The following LYPD4 variants were observed in gnomAD, a reference collection of about 807,000 sequenced individuals.
LYPD4 encodes the protein LY6/PLAUR domain containing 4, also known as ly6/PLAUR domain-containing protein 4.
LYPD4 carries 20 observed loss-of-function variants against 18.2 expected under a neutral mutation model. The observed-to-expected ratio is 1.10, with a 90% CI of 0.77 to 1.59. The LOEUF (loss-of-function observed/expected upper bound fraction) is 1.59. Ranked by LOEUF, LYPD4 falls within the 40% of genes most tolerant of loss-of-function variation. The pLI, the probability that LYPD4 is intolerant of heterozygous loss-of-function variation, is 0.00. For synonymous variants in LYPD4, 111 were observed against 118.3 expected (o/e 0.94, Z 0.40); for missense variants, 278 against 300.3 (o/e 0.93, Z 0.55).
chr19:41,839,533 T>C (rs782426137), intron 1 of LYPD4, 128 bp from the exon 2 acceptor site: 6 of 528,646 alleles, frequency 1.1e-5, no homozygotes, highest in Non-Finnish European at 2.0e-5. Flanking sequence ...TCTTAGCTTC[T>C]CAAAGCAGGA....
At chr19:41,842,027 T>C (rs1341435469) in intron 1 of LYPD4, among the ~76,000 whole-genome samples, 1 of 152,136 alleles carries the variant, frequency 6.6e-6, no homozygotes, top group Middle Eastern at 3.2e-3. Flanking sequence ...TCCACCTTCA[T>C]CTACAAAGGA....
intron 1 of LYPD4, among the ~76,000 whole-genome samples, 154 bp downstream of exon 1, chr19:41,843,424 G>T (rs1219849929): frequency 1.3e-5 from 2 of 151,882 alleles, no homozygotes; most frequent in Non-Finnish European, 2.9e-5. Flanking sequence ...TATAATCGTT[G>T]GTTACCCTGT....
At chr19:41,837,412 G>A (rs1321258689) in intron 4 of LYPD4, 67 bp from the exon 5 acceptor site, 1 of 1,551,346 alleles carries the variant, frequency 6.4e-7, no homozygotes, top group East Asian at 2.2e-5. Flanking sequence ...TCAGCCAGGT[G>A]CAGTGGCTCA....
In LYPD4 at chr19:41,839,212, G is replaced by A; in HGVS notation, c.67+7C>T. The stretch of plus-strand genomic sequence containing the variant: ...GGTCTTATAGCATCCAGCCCCACAG[G>A]ACATACGAGGCAGAGTGGAGATGGC... On this transcript the variant is annotated splice_region_variant and intron_variant, in intron 2 of 4. Coordinates refer to ENST00000609812, the MANE Select transcript of LYPD4 (RefSeq NM_173506.7). 2.5e-6 allele frequency: 4 copies of A among 1,614,100 alleles called. No individual in the cohort carries two copies. Among genetic ancestry groups the A allele is most frequent in the Non-Finnish European group, 3.4e-6 (4 of 1,180,024 alleles).
chr19:41,837,620 G>C (rs1424637513), intron 4 of LYPD4, among the ~76,000 whole-genome samples: 5 of 151,884 alleles, frequency 3.3e-5, no homozygotes, highest in African/African-American at 1.2e-4. Flanking sequence ...CTTGAACCTG[G>C]GAGGCAGAGG....
chr19:41,841,582 C>T (rs782431180), intron 1 of LYPD4, among the ~76,000 whole-genome samples: 3 of 148,958 alleles, frequency 2.0e-5, no homozygotes, highest in African/African-American at 4.9e-5. Context: ...GGGAGGATCA[C>T]TTGAACCCGG....
intron 3 of LYPD4, 22 bp from the exon 4 acceptor site, chr19:41,838,283 G>A: frequency 6.6e-7 from 1 of 1,510,180 alleles, no homozygotes; most frequent in Non-Finnish European, 8.8e-7. Flanking sequence ...AGGATTGAGA[G>A]AGCTCAGATC....
downstream of LYPD4, chr19:41,835,812 T>C: frequency 1.0e-6 from 1 of 985,432 alleles, no homozygotes; most frequent in Non-Finnish European, 1.2e-6. Flanking sequence ...CTCAAGCTAC[T>C]AACAAAGGTC....
rs2073478372 is a variant in LYPD4 at position 41,838,957 on chromosome 19, C to T, written c.135G>A (p.Trp45Ter). 1 of 1,613,970 alleles carries T rather than the reference C, an allele frequency of 6.2e-7. No individual in the cohort carries two copies. The change falls in exon 3 of 5, where the codon TGG becomes TGA. Residue 45 changes from tryptophan (W) to a stop codon, truncating the protein, a stop_gained. Coordinates refer to ENST00000609812, the MANE Select transcript of LYPD4 (RefSeq NM_173506.7). LOFTEE classifies it high-confidence loss of function. ...CCATGTTCCTCATCAGAAGCCACTT[C>T]CAGTTATGGAAAGCAACAGCTCTGA... The part of the protein sequence containing the change: ...SRFRAVAFHN[W>*]KWLLMRNMVC...
chr19:41,838,974 C>G lies in LYPD4; in HGVS notation c.118G>C (p.Val40Leu), dbSNP rs2073479196. Residue 40 changes from valine (V) to leucine (L), a missense_variant, in exon 3 of 5, where the codon GTT (valine) becomes CTT (leucine). By Grantham distance (32) the Val-to-Leu change is conservative. Transcript: ENST00000609812. ...YEATASRFRA[V>L]AFHNWKWLLM... is the part of the protein sequence containing the mutation. ...AGCCACTTCCAGTTATGGAAAGCAACAGCTCTGAATCTTGAGGCTGTTGCT... is the reference window on the plus strand; with the variant it reads ...AGCCACTTCCAGTTATGGAAAGCAAGAGCTCTGAATCTTGAGGCTGTTGCT... The G allele has an allele frequency of 6.2e-7, 1 of 1,613,972 alleles. No individual in the cohort carries two copies.
chr19:41,837,186 G>A lies in LYPD4; in HGVS notation c.698C>T (p.Ala233Val). Residue 233 changes from alanine (A) to valine (V), a missense_variant, in exon 5 of 5, where the codon GCT (alanine) becomes GTT (valine). Ala to Val is a moderately conservative substitution (Grantham distance 64, BLOSUM62 0). Coordinates refer to ENST00000609812, the MANE Select transcript of LYPD4 (RefSeq NM_173506.7). ...CAGGAGGCCTAAGACGACACCCCAAGCAGGATCTTGCCTGGAGGATGCTGC... is the reference window on the plus strand; with the variant it reads ...CAGGAGGCCTAAGACGACACCCCAAACAGGATCTTGCCTGGAGGATGCTGC... ...VGAASSRQDPAWGVVLGLLFA... is the reference protein window; with the variant it reads ...VGAASSRQDPVWGVVLGLLFA... 6.2e-7 allele frequency: 1 copy of A among 1,614,048 alleles called. No individual in the cohort carries two copies. The highest frequency in any genetic ancestry group is 1.1e-5 in the South Asian group (1 of 91,076).
intron 1 of LYPD4, among the ~76,000 whole-genome samples, chr19:41,843,183 G>C (rs1355630636): frequency 6.6e-6 from 1 of 150,598 alleles, no homozygotes; most frequent in Non-Finnish European, 1.5e-5. Flanking sequence ...GTTAGGGAAT[G>C]AAAGTGGGGA....
At chr19:41,836,892 C>T (rs2073383596), downstream of LYPD4, among the ~76,000 whole-genome samples, 2 of 152,078 alleles carry the variant, frequency 1.3e-5, no homozygotes, top group African/African-American at 4.8e-5. Context: ...TGAACCCAGG[C>T]TGGAGCTCAA....
chr19:41,838,828 T>TG lies in LYPD4; in HGVS notation c.211+52dup, dbSNP rs1386917943. On this transcript the variant is annotated intron_variant, in intron 3 of 4. Coordinates refer to ENST00000609812, the MANE Select transcript of LYPD4 (RefSeq NM_173506.7). ...AGTCCCTCGGTGCTGGGAGTGGAGC[T>TG]GGGGGTCAGAAGAGCAAGCAAAACG... 80 of 1,593,444 alleles carry TG rather than the reference T, an allele frequency of 5.0e-5. No individual in the cohort carries two copies. The East Asian group carries it at 1.8e-3, about 35-fold the overall frequency.
chr19:41,838,407 C>T, intron 3 of LYPD4, 146 bp from the exon 4 acceptor site: 1 of 642,652 alleles, frequency 1.6e-6, no homozygotes, highest in Non-Finnish European at 2.4e-6. Flanking sequence ...AGTGCAGCTG[C>T]ACAGGGCTCA....
chr19:41,839,120 C>A, intron 2 of LYPD4, 96 bp from the exon 3 acceptor site: 2 of 1,611,862 alleles, frequency 1.2e-6, no homozygotes, highest in Non-Finnish European at 1.7e-6. Flanking sequence ...AGGTCCTGTC[C>A]CCAGCGAAAC....
chr19:41,837,129 G>T lies in LYPD4; in HGVS notation c.*14C>A. On this transcript the variant is annotated 3_prime_UTR_variant, in exon 5 of 5. Coordinates refer to ENST00000609812, the MANE Select transcript of LYPD4 (RefSeq NM_173506.7). ...GTGAAAGAGTCTGGGTGCTTGTCGG[G>T]TGCAGCTAGATGGTCAGTCCCTGAA... 1 of 1,613,634 alleles carries T rather than the reference G, an allele frequency of 6.2e-7. No individual in the cohort carries two copies. Among genetic ancestry groups the T allele is most frequent in the Non-Finnish European group, 8.5e-7 (1 of 1,179,838 alleles).
downstream of LYPD4, chr19:41,835,587 C>T (rs2073362503): frequency 6.4e-6 from 1 of 156,942 alleles, no homozygotes; most frequent in Non-Finnish European, 1.4e-5. Flanking sequence ...AACTCATCTA[C>T]TAAAACCTCC....
chr19:41,839,614 C>T, intron 1 of LYPD4: 1 of 362,578 alleles, frequency 2.8e-6, no homozygotes, highest in Non-Finnish European at 5.1e-6. Context: ...TACTGATATG[C>T]AGGCTGTTCT....
Sources: allele counts gnomAD v4.1 joint callset (sites outside exome capture counted in the v4.1 genomes callset), GRCh38; gene constraint gnomAD v4.1.1; transcripts MANE v1.5; gene names NCBI Gene and HGNC (gene_info 2026-07-23, HGNC 2026-07-21).